ITGB3BP: variants seen among roughly 807,000 people sequenced by gnomAD.
ITGB3BP encodes the protein centromere protein R.
Under a neutral mutation model 29.1 loss-of-function variants are expected in ITGB3BP, and 27 were observed. The ratio of observed to expected loss-of-function variants is 0.93; its 90% confidence interval spans 0.68 to 1.28. ITGB3BP has a LOEUF of 1.28. Among genes scored for constraint, ITGB3BP ranks in the 50% most tolerant of loss-of-function variants. The probability of loss-of-function intolerance (pLI) is 0.00; values close to 1 mark genes in which losing one functional copy is unlikely to be tolerated. For synonymous variants in ITGB3BP, 61 were observed against 61.4 expected, an observed-to-expected ratio of 0.99 and a Z score of 0.03; for missense variants, 192 against 200.2, an observed-to-expected ratio of 0.96 and a Z score of 0.25.
At chr1:63,461,235 CAG>C (rs1645013002) in intron 4 of ITGB3BP, among the ~76,000 whole-genome samples, 1 of 111,150 alleles carries the variant, frequency 9.0e-6, no homozygotes, top group Admixed American at 1.4e-4. Context: ...GCCTGGGCGA[CAG>C]AGTGAGACTC....
At chr1:63,502,459 A>G (rs1645955370) in intron 2 of ITGB3BP, among the ~76,000 whole-genome samples, 1 of 151,366 alleles carries the variant, frequency 6.6e-6, no homozygotes, top group South Asian at 2.1e-4. Flanking sequence ...TTGCACTTAC[A>G]GTTCCACAAG....
intron 2 of ITGB3BP, among the ~76,000 whole-genome samples, chr1:63,503,375 A>C (rs1274196324): frequency 6.6e-6 from 1 of 151,062 alleles, no homozygotes; most frequent in Non-Finnish European, 1.5e-5. Flanking sequence ...TTTTTCTTGT[A>C]AATTTGTTTG....
intron 1 of ITGB3BP, among the ~76,000 whole-genome samples, chr1:63,511,342 G>A (rs551793708): frequency 1.2e-3 from 181 of 152,246 alleles, no homozygotes; most frequent in Non-Finnish European, 2.0e-3. Context: ...GTGTACTGCT[G>A]GTGGGAATGT....
chr1:63,517,152 A>T (rs1239473502), intron 1 of ITGB3BP, among the ~76,000 whole-genome samples: 2 of 152,118 alleles, frequency 1.3e-5, no homozygotes, highest in Non-Finnish European at 2.9e-5. Context: ...AACTTTTTTT[A>T]AAAAAGATCC....
intron 7 of ITGB3BP, among the ~76,000 whole-genome samples, chr1:63,453,059 C>A (rs1644884079): frequency 6.6e-6 from 1 of 152,156 alleles, no homozygotes; most frequent in Non-Finnish European, 1.5e-5. Flanking sequence ...TGGTTGGAAT[C>A]CTTGCTCTGT....
intron 4 of ITGB3BP, among the ~76,000 whole-genome samples, chr1:63,456,332 G>T (rs186824275): frequency 0.014 from 2,133 of 151,836 alleles, 23 homozygotes; most frequent in Non-Finnish European, 0.022. Context: ...AATTTTGGGT[G>T]TTTTTTTTCT....
At chr1:63,472,240 G>A (rs1645210527) in intron 4 of ITGB3BP, among the ~76,000 whole-genome samples, 1 of 151,522 alleles carries the variant, frequency 6.6e-6, no homozygotes, top group African/African-American at 2.4e-5. Context: ...TTCTAAATTT[G>A]TATAGTGTAG....
upstream of ITGB3BP, among the ~76,000 whole-genome samples, chr1:63,524,726 G>T (rs1646551333): frequency 6.6e-6 from 1 of 152,170 alleles, no homozygotes. Flanking sequence ...AGAAGAAACT[G>T]TTCGTGAAAT....
chr1:63,460,364 A>T (rs1358781573), intron 4 of ITGB3BP, among the ~76,000 whole-genome samples: 1 of 152,164 alleles, frequency 6.6e-6, no homozygotes, highest in African/African-American at 2.4e-5. Flanking sequence ...GAATTAGTCT[A>T]TTCTAGACAT....
At chr1:63,522,942 T>A in intron 1 of ITGB3BP, 187 bp downstream of exon 1, 1 of 783,322 alleles carries the variant, frequency 1.3e-6, no homozygotes, top group East Asian at 2.5e-5. Flanking sequence ...AGGAGGACTA[T>A]CGTATGAGTA....
chr1:63,508,422 A>G, intron 2 of ITGB3BP, 106 bp downstream of exon 2: 3 of 614,146 alleles, frequency 4.9e-6, no homozygotes, highest in Non-Finnish European at 8.6e-6. Context: ...ACACTGTGAT[A>G]TAATTAAAAT....
At chr1:63,489,845 G>A (rs541833716) in intron 3 of ITGB3BP, among the ~76,000 whole-genome samples, 92 of 152,174 alleles carry the variant, frequency 6.0e-4, no homozygotes, top group African/African-American at 2.2e-3. Context: ...GGCAAGTCAG[G>A]CCATAATTTC....
intron 1 of ITGB3BP, among the ~76,000 whole-genome samples, chr1:63,521,265 A>AC (rs1355577395): frequency 1.8e-4 from 24 of 133,300 alleles, no homozygotes; most frequent in African/African-American, 5.3e-4. Context: ...ACATTAAAAA[A>AC]AAAAAAAACA....
intron 7 of ITGB3BP, chr1:63,447,159 T>C (rs1644800665): frequency 3.1e-6 from 1 of 323,362 alleles, no homozygotes; most frequent in Non-Finnish European, 5.8e-6. Context: ...TCATTTGTGC[T>C]AGATTCTATA....
At chr1:63,461,083 C>CAAA (rs35518465) in intron 4 of ITGB3BP, among the ~76,000 whole-genome samples, 2 of 97,586 alleles carry the variant, frequency 2.0e-5, no homozygotes, top group Admixed American at 1.1e-4. Context: ...ACTAAAACTA[C>CAAA]AAAAAAAAAA....
intron 3 of ITGB3BP, among the ~76,000 whole-genome samples, chr1:63,489,583 C>A (rs910010056): frequency 6.6e-6 from 1 of 151,408 alleles, no homozygotes; most frequent in African/African-American, 2.4e-5. Flanking sequence ...ATTCTACAAA[C>A]CTTTTGTAAA....
At chr1:63,516,467 T>C (rs769335982) in intron 1 of ITGB3BP, among the ~76,000 whole-genome samples, 11 of 151,920 alleles carry the variant, frequency 7.2e-5, no homozygotes, top group Non-Finnish European at 1.5e-4. Context: ...CTCACACCTG[T>C]GATCTCAGCA....
At chr1:63,497,563 G>A (rs1030454528) in intron 2 of ITGB3BP, among the ~76,000 whole-genome samples, 1 of 152,142 alleles carries the variant, frequency 6.6e-6, no homozygotes, top group African/African-American at 2.4e-5. Context: ...TCCTGGGGGG[G>A]AGACTAAGAA....
chr1:63,521,508 T>C (rs754641812), intron 1 of ITGB3BP, among the ~76,000 whole-genome samples: 1 of 152,132 alleles, frequency 6.6e-6, no homozygotes, highest in East Asian at 1.9e-4. Context: ...ACATCTTGTG[T>C]GCATATGTTA....
Sources: allele counts gnomAD v4.1 joint callset (sites outside exome capture counted in the v4.1 genomes callset), GRCh38; gene constraint gnomAD v4.1.1; transcripts MANE v1.5; gene names NCBI Gene and HGNC (gene_info 2026-07-23, HGNC 2026-07-21).